NLGN1: variants seen among roughly 807,000 people sequenced by gnomAD.
NLGN1 encodes the protein neuroligin 1, also known as neuroligin-1.
NLGN1 carries 12 observed loss-of-function variants against 65.5 expected under a neutral mutation model. The observed-to-expected ratio is 0.18, with a 90% CI of 0.12 to 0.30. NLGN1 has a LOEUF of 0.30. Among genes scored for constraint, NLGN1 ranks in the 10% least tolerant of loss-of-function variants. NLGN1 has a pLI of 1.00. For synonymous variants in NLGN1, 350 were observed against 359.5 expected, an observed-to-expected ratio of 0.97 and a Z score of 0.30; for missense variants, 750 against 1,007.1, an observed-to-expected ratio of 0.74 and a Z score of 3.46.
At chr3:173,770,064 G>T (rs976483373) in intron 3 of NLGN1, among the ~76,000 whole-genome samples, 2 of 152,136 alleles carry the variant, frequency 1.3e-5, no homozygotes, top group Non-Finnish European at 2.9e-5. Flanking sequence ...TCTTCCTAGA[G>T]CTCTGGAAAA....
chr3:174,161,868 T>C (rs1726599674), intron 4 of NLGN1, among the ~76,000 whole-genome samples: 1 of 151,816 alleles, frequency 6.6e-6, no homozygotes, highest in African/African-American at 2.4e-5. Context: ...TCTATATGTA[T>C]TGAAAGAAAT....
intron 4 of NLGN1, among the ~76,000 whole-genome samples, chr3:173,938,560 T>C (rs1359450979): frequency 6.6e-6 from 1 of 152,182 alleles, no homozygotes; most frequent in Non-Finnish European, 1.5e-5. Flanking sequence ...CGTGTTGACA[T>C]ATACTGCTAT....
intron 2 of NLGN1, among the ~76,000 whole-genome samples, chr3:173,448,985 C>G (rs192420379): frequency 6.6e-6 from 1 of 151,994 alleles, no homozygotes; most frequent in Non-Finnish European, 1.5e-5. Flanking sequence ...AGCGGTCTAT[C>G]AATTTTGTTG....
chr3:173,658,998 C>T (rs976474424), intron 3 of NLGN1, among the ~76,000 whole-genome samples: 1 of 151,938 alleles, frequency 6.6e-6, no homozygotes, highest in East Asian at 1.9e-4. Flanking sequence ...GATAAGCACA[C>T]AATTGTTTTG....
At chr3:173,944,498 T>C (rs11926085) in intron 4 of NLGN1, among the ~76,000 whole-genome samples, 1 of 151,738 alleles carries the variant, frequency 6.6e-6, no homozygotes, top group African/African-American at 2.4e-5. Context: ...CTGGATGAAA[T>C]GTTACCAGTC....
intron 4 of NLGN1, among the ~76,000 whole-genome samples, chr3:174,053,314 G>A (rs1486519721): frequency 6.6e-6 from 1 of 151,836 alleles, no homozygotes; most frequent in Admixed American, 6.6e-5. Context: ...ACAATAAAAA[G>A]TATTCTGTAA....
chr3:173,547,662 G>T (rs960090099), intron 2 of NLGN1, among the ~76,000 whole-genome samples: 19 of 152,120 alleles, frequency 1.2e-4, no homozygotes, highest in Admixed American at 5.2e-4. Flanking sequence ...GGTATTATGT[G>T]TCAGCTTTTA....
intron 3 of NLGN1, among the ~76,000 whole-genome samples, chr3:173,623,493 A>G (rs1754342263): frequency 6.6e-6 from 1 of 152,122 alleles, no homozygotes; most frequent in Admixed American, 6.6e-5. Flanking sequence ...AGACTTTTTG[A>G]CAGGTCACTA....
At chr3:173,527,907 A>G (rs1488188307) in intron 2 of NLGN1, among the ~76,000 whole-genome samples, 1 of 152,048 alleles carries the variant, frequency 6.6e-6, no homozygotes, top group Non-Finnish European at 1.5e-5. Context: ...TTTAAATCCA[A>G]TTTACCACTC....
intron 2 of NLGN1, among the ~76,000 whole-genome samples, chr3:173,583,027 T>C (rs1746648880): frequency 6.6e-6 from 1 of 152,210 alleles, no homozygotes; most frequent in Non-Finnish European, 1.5e-5. Flanking sequence ...CAGTTATTTA[T>C]CAGGTTTCCA....
chr3:173,815,597 T>G (rs1429081439), intron 4 of NLGN1, among the ~76,000 whole-genome samples: 1 of 152,150 alleles, frequency 6.6e-6, no homozygotes, highest in Non-Finnish European at 1.5e-5. Flanking sequence ...CCTCCCTGAC[T>G]GCTTCGTCTC....
intron 2 of NLGN1, among the ~76,000 whole-genome samples, chr3:173,537,141 GAC>G (rs1248818435): frequency 1.3e-5 from 2 of 152,100 alleles, no homozygotes; most frequent in Non-Finnish European, 2.9e-5. Context: ...CACTCTCAAA[GAC>G]ACACACAAAA....
intron 4 of NLGN1, among the ~76,000 whole-genome samples, chr3:174,235,631 G>A (rs1245797492): frequency 1.7e-4 from 26 of 152,156 alleles, no homozygotes; most frequent in Admixed American, 7.9e-4. Flanking sequence ...CAACTGGCTT[G>A]ATATTATTTT....
intron 3 of NLGN1, among the ~76,000 whole-genome samples, chr3:173,797,528 A>G (rs1163811469): frequency 6.6e-6 from 1 of 152,082 alleles, no homozygotes; most frequent in African/African-American, 2.4e-5. Flanking sequence ...CTGAAGCAAT[A>G]TTTGTATTTG....
At chr3:174,254,611 G>A (rs755702926) in intron 4 of NLGN1, among the ~76,000 whole-genome samples, 34 of 151,864 alleles carry the variant, frequency 2.2e-4, no homozygotes, top group Non-Finnish European at 3.7e-4. Flanking sequence ...TAATCTTATC[G>A]ATATTTAGGT....
intron 3 of NLGN1, among the ~76,000 whole-genome samples, chr3:173,684,796 A>G (rs79333614): frequency 0.012 from 1,883 of 152,332 alleles, 36 homozygotes; most frequent in African/African-American, 0.043. Context: ...CTGTATATTC[A>G]TCCCAATTTA....
chr3:174,002,208 G>A (rs1194374229), intron 4 of NLGN1, among the ~76,000 whole-genome samples: 2 of 152,002 alleles, frequency 1.3e-5, no homozygotes, highest in Non-Finnish European at 2.9e-5. Flanking sequence ...GCTCAGTGCA[G>A]CCTCCGCCTC....
intron 3 of NLGN1, among the ~76,000 whole-genome samples, chr3:173,678,600 G>A (rs1446085646): frequency 2.0e-5 from 3 of 151,978 alleles, no homozygotes; most frequent in Non-Finnish European, 2.9e-5. Context: ...TGGCTATAGC[G>A]ACTATAAAGT....
At chr3:174,107,000 ACAC>A (rs1713997571) in intron 4 of NLGN1, among the ~76,000 whole-genome samples, 2 of 114,214 alleles carry the variant, frequency 1.8e-5, no homozygotes, top group Admixed American at 1.8e-4. Flanking sequence ...ACACACACAC[ACAC>A]ACACACACAC....
Sources: allele counts gnomAD v4.1 joint callset (sites outside exome capture counted in the v4.1 genomes callset), GRCh38; gene constraint gnomAD v4.1.1; transcripts MANE v1.5; gene names NCBI Gene and HGNC (gene_info 2026-07-23, HGNC 2026-07-21).